The following MTOR variants were observed in gnomAD, a reference collection of about 807,000 sequenced individuals.
The protein encoded by MTOR is serine/threonine-protein kinase mTOR.
MTOR carries 70 observed loss-of-function variants against 319.8 expected under a neutral mutation model. That is an observed-to-expected ratio of 0.22 (90% CI 0.18 to 0.27). The LOEUF is 0.27. MTOR is among the 10% of genes least tolerant of loss of function. MTOR has a pLI of 1.00. For missense variants in MTOR, 1,890 were observed against 3,274.4 expected, an observed-to-expected ratio of 0.58 and a Z score of 10.32; for synonymous variants, 1,183 against 1,211.4, an observed-to-expected ratio of 0.98 and a Z score of 0.49.
At chr1:11,125,534 C>A (rs1268063637) in intron 46 of MTOR, among the ~76,000 whole-genome samples, 1 of 151,336 alleles carries the variant, frequency 6.6e-6, no homozygotes, top group Admixed American at 6.6e-5. Flanking sequence ...AGTTTGAGAC[C>A]AGCCTGGCCA....
intron 19 of MTOR, among the ~76,000 whole-genome samples, chr1:11,219,397 G>A (rs1337886115): frequency 6.6e-6 from 1 of 151,964 alleles, no homozygotes; most frequent in Non-Finnish European, 1.5e-5. Flanking sequence ...ATAATTTCAG[G>A]CATCTATTGT....
Position 11,121,345 on chromosome 1 carries a change from C to G in MTOR, c.6834G>C (p.Leu2278Phe). Residue 2278 changes from leucine (L) to phenylalanine (F), a missense_variant, in exon 49 of 58, where the codon TTG (leucine) becomes TTC (phenylalanine). Transcript: ENST00000361445. The surrounding 1 kb of genome is among the most constrained non-coding windows in gnomAD (Gnocchi z 4.9). ...MLRMAPDYDH[L>F]TLMQKVEVFE... Reference sequence around the variant, plus strand: ...ACACCTCCACCTTCTGCATCAGAGTCAAGTGGTCATAGTCCGGAGCCATCT... The same window carrying G: ...ACACCTCCACCTTCTGCATCAGAGTGAAGTGGTCATAGTCCGGAGCCATCT... 6.2e-7 allele frequency: 1 copy of G among 1,614,124 alleles called. No homozygotes were observed. Among genetic ancestry groups the G allele is most frequent in the Non-Finnish European group, 8.5e-7 (1 of 1,180,044 alleles).
intron 13 of MTOR, among the ~76,000 whole-genome samples, chr1:11,234,871 C>A (rs1004471214): frequency 1.3e-5 from 2 of 152,182 alleles, no homozygotes; most frequent in African/African-American, 2.4e-5. Context: ...AGGACACCAG[C>A]AAATCAGCAT....
intron 12 of MTOR, 128 bp from the exon 13 acceptor site, chr1:11,238,176 T>C (rs1647465173): frequency 1.0e-6 from 1 of 975,500 alleles, no homozygotes; most frequent in South Asian, 1.6e-5. Context: ...CTAACCTCTG[T>C]CATTCTTTTC....
At chr1:11,209,552 A>G (rs954913771) in intron 24 of MTOR, 94 bp from the exon 25 acceptor site, 12 of 1,443,110 alleles carry the variant, frequency 8.3e-6, no homozygotes, top group Non-Finnish European at 1.0e-5. Context: ...CAGACCTGGT[A>G]GAGCCAGGAT....
At chr1:11,253,093 C>T (rs539463069) in intron 6 of MTOR, among the ~76,000 whole-genome samples, 1 of 152,288 alleles carries the variant, frequency 6.6e-6, no homozygotes, top group South Asian at 2.1e-4. Flanking sequence ...CCCGCGGTGG[C>T]CCTGCAGAGT....
In MTOR at chr1:11,212,499, A is replaced by G; in HGVS notation, c.3399-25T>C. The G allele has an allele frequency of 6.2e-7, 1 of 1,605,466 alleles. No homozygotes were observed. Among genetic ancestry groups the G allele is most frequent in the Admixed American group, 1.7e-5 (1 of 58,566 alleles). ...CCTACAACAATCACTAACATACAGT[A>G]ACTGCTAACATACAATCTCCAAGGA... On this transcript the variant is annotated intron_variant, in intron 22 of 57. Transcript: ENST00000361445. The surrounding 1 kb of genome is among the most constrained non-coding windows in gnomAD (Gnocchi z 4.1).
intron 10 of MTOR, 137 bp downstream of exon 10, chr1:11,241,415 AG>A: frequency 2.0e-6 from 2 of 986,824 alleles, no homozygotes; most frequent in Non-Finnish European, 2.9e-6. Flanking sequence ...ATTCAGTACT[AG>A]CCTGTGTGTT....
At chr1:11,228,546 G>T (rs1401572223) in intron 19 of MTOR, 122 bp downstream of exon 19, 8 of 1,326,826 alleles carry the variant, frequency 6.0e-6, no homozygotes, top group African/African-American at 1.5e-5. Context: ...GGGAGTTAAG[G>T]GGGAGGAAGG....
chr1:11,234,921 A>G (rs898694463), intron 13 of MTOR, among the ~76,000 whole-genome samples: 2 of 152,192 alleles, frequency 1.3e-5, no homozygotes, highest in African/African-American at 4.8e-5. Flanking sequence ...ATATAGACAG[A>G]TTTCTGGATA....
At chr1:11,224,159 T>C (rs1336631202) in intron 19 of MTOR, among the ~76,000 whole-genome samples, 1 of 152,014 alleles carries the variant, frequency 6.6e-6, no homozygotes, top group Non-Finnish European at 1.5e-5. Flanking sequence ...CAAACATTTT[T>C]AAATTGGATT....
chr1:11,259,642 G>A (rs535028349), intron 1 of MTOR, among the ~76,000 whole-genome samples: 1 of 152,256 alleles, frequency 6.6e-6, no homozygotes, highest in African/African-American at 2.4e-5. Context: ...GTTAAATTGT[G>A]GGCTATCGGC....
In MTOR at chr1:11,129,912, C is replaced by T; in HGVS notation, c.5614-74G>A. The T allele has an allele frequency of 2.4e-6, 3 of 1,228,072 alleles. No homozygotes were observed. Among genetic ancestry groups the T allele is most frequent in the South Asian group, 2.5e-5 (2 of 79,234 alleles). 76.1% of individuals were successfully genotyped at this position (1,228,072 alleles called of 1,614,324 possible). ...TCTGTAAAATGGGCATAAGAGCATA[C>T]TAACTGTACCTACTTCAAAGGGTGG... is the stretch of plus-strand genomic sequence containing the variant. On this transcript the variant is annotated intron_variant, in intron 39 of 57. Transcript: ENST00000361445. This position sits in a 1 kb window ranked among gnomAD's most constrained non-coding sequence, Gnocchi z 4.7.
At chr1:11,251,579 T>C (rs1649679871) in intron 6 of MTOR, among the ~76,000 whole-genome samples, 1 of 152,142 alleles carries the variant, frequency 6.6e-6, no homozygotes, top group Non-Finnish European at 1.5e-5. Flanking sequence ...AGCTGGCATA[T>C]ACTAGGTGCT....
intron 31 of MTOR, among the ~76,000 whole-genome samples, chr1:11,147,973 G>C (rs146292173): frequency 3.5e-4 from 53 of 152,310 alleles, no homozygotes; most frequent in South Asian, 1.0e-3. Flanking sequence ...GACAATAAAT[G>C]GTGAAAATGT....
In MTOR at chr1:11,195,056, C is replaced by T. The variant is rs200959897; in HGVS notation, c.4253+4202G>A. The stretch of plus-strand genomic sequence containing the variant: ...CTGCCGTGGAGCACGGATACAGAAA[C>T]TGAGACACGTGGAGACTGGATGAGG... On this transcript the variant is annotated intron_variant, in intron 28 of 57. Coordinates refer to ENST00000361445, the MANE Select transcript of MTOR (RefSeq NM_004958.4). 1.2e-5 allele frequency: 19 copies of T among 1,607,408 alleles called. No homozygotes were observed. In the East Asian group the frequency reaches 2.0e-4, roughly 17 times the overall value.
intron 23 of MTOR, among the ~76,000 whole-genome samples, chr1:11,211,502 G>A (rs925716374): frequency 1.3e-5 from 2 of 152,166 alleles, no homozygotes; most frequent in South Asian, 4.1e-4. Flanking sequence ...TGAGTAGCTG[G>A]GACCACAGGC....
At chr1:11,187,832 G>C (rs995961533) in intron 28 of MTOR, among the ~76,000 whole-genome samples, 1 of 152,328 alleles carries the variant, frequency 6.6e-6, no homozygotes, top group Non-Finnish European at 1.5e-5. Flanking sequence ...CTGGCAGACA[G>C]TGCCAATTCT....
chr1:11,225,422 C>CT (rs201304113), intron 19 of MTOR, among the ~76,000 whole-genome samples: 3,351 of 137,062 alleles, frequency 0.024, 133 homozygotes, highest in African/African-American at 0.077. Context: ...AAAATTGGTT[C>CT]TTTTTTTTTT....
Sources: allele counts gnomAD v4.1 joint callset (sites outside exome capture counted in the v4.1 genomes callset), GRCh38; gene constraint gnomAD v4.1.1; non-coding constraint Gnocchi (gnomAD v3.1); transcripts MANE v1.5; gene names NCBI Gene and HGNC (gene_info 2026-07-23, HGNC 2026-07-21).